The following PSD3 variants were observed in gnomAD, a reference collection of about 807,000 sequenced individuals.
PSD3 encodes PH and SEC7 domain-containing protein 3.
In PSD3, 49 loss-of-function variants were observed where a neutral mutation model predicts 105.5. The ratio of observed to expected loss-of-function variants is 0.46; its 90% CI spans 0.37 to 0.59. The LOEUF (loss-of-function observed/expected upper bound fraction) is 0.59. Ranked by LOEUF, PSD3 falls within the 20% of genes least tolerant of loss-of-function variation. The pLI is 0.00. For missense variants in PSD3, 1,561 were observed against 1,263.8 expected, an observed-to-expected ratio of 1.24 and a Z score of -3.57; for synonymous variants, 557 against 457.8, an observed-to-expected ratio of 1.22 and a Z score of -2.77.
chr8:18,644,018 A>C (rs1240159441), intron 10 of PSD3, among the ~76,000 whole-genome samples: 1 of 152,198 alleles, frequency 6.6e-6, no homozygotes, highest in Non-Finnish European at 1.5e-5. Flanking sequence ...GCTCTGGTGG[A>C]GAGCACCCTG....
intron 14 of PSD3, among the ~76,000 whole-genome samples, chr8:18,561,131 C>G (rs903332552): frequency 1.1e-4 from 16 of 152,162 alleles, no homozygotes; most frequent in Admixed American, 2.0e-4. Context: ...AAAGATGTGG[C>G]ATTCTCATGG....
At chr8:19,082,956 C>G in intron 1 of PSD3, among the ~76,000 whole-genome samples, 1 of 152,192 alleles carries the variant, frequency 6.6e-6, no homozygotes, top group Middle Eastern at 3.2e-3. Context: ...TACGCAGGCC[C>G]TTGTTAAAAA....
chr8:19,073,525 T>C lies in PSD3; in HGVS notation c.324+10681A>G, dbSNP rs1394030805. Among the ~76,000 whole-genome samples the C allele has an allele frequency of 2.6e-5, 3 of 116,422 alleles. No homozygotes were observed. In the Admixed American group the frequency reaches 3.7e-4, roughly 14 times the overall value. 76.4% of individuals were successfully genotyped at this position (116,422 alleles called of 152,430 possible). Reference sequence around the variant, plus strand: ...GAGATCACGACACTGCACTCCAGCCTGGGCGACAGAGTGAAACTGTCTCTC... The same window carrying C: ...GAGATCACGACACTGCACTCCAGCCCGGGCGACAGAGTGAAACTGTCTCTC... On this transcript the variant is annotated intron_variant, in intron 1 of 1. Transcript: ENST00000521475.
At chr8:18,542,104 G>C (rs7017406) in intron 15 of PSD3, among the ~76,000 whole-genome samples, 90,357 of 152,022 alleles carry the variant, frequency 0.59, 26,959 homozygotes, top group Admixed American at 0.65. Flanking sequence ...ATTGCCCACT[G>C]TGAGCTTCAA....
At chr8:18,982,432 G>A (rs1181545873) in intron 1 of PSD3, among the ~76,000 whole-genome samples, 1 of 152,126 alleles carries the variant, frequency 6.6e-6, no homozygotes, top group Non-Finnish European at 1.5e-5. Context: ...GTTCTTAATG[G>A]CATCTAGAAT....
At chr8:18,970,649 A>T (rs1367678453) in intron 1 of PSD3, among the ~76,000 whole-genome samples, 1 of 152,052 alleles carries the variant, frequency 6.6e-6, no homozygotes, top group African/African-American at 2.4e-5. Context: ...TGTCCTCTGA[A>T]AATCAATCAG....
chr8:18,687,718 T>G (rs773141617), intron 9 of PSD3, among the ~76,000 whole-genome samples: 7 of 152,126 alleles, frequency 4.6e-5, no homozygotes, highest in Non-Finnish European at 8.8e-5. Context: ...TGTGTGCGCT[T>G]GCCCATCCCT....
rs145845983 is a variant in PSD3 at position 18,785,230 on chromosome 8, T to G, written c.2082+14065A>C. 7.7e-3 allele frequency among the ~76,000 whole-genome samples: 1,178 copies of G among 152,354 alleles called. 40 individuals are homozygous for G. Among genetic ancestry groups the G allele is most frequent in the Admixed American group, 0.035 (540 of 15,308 alleles). ...GATTGGAAGTGTTTTATCACCTTGA[T>G]GAAATGACCCTTATTATAAAATGTT... On this transcript the variant is annotated intron_variant, in intron 8 of 15. Coordinates refer to ENST00000327040, the MANE Select transcript of PSD3 (RefSeq NM_015310.4).
At chr8:18,789,487 T>C (rs1167592668) in intron 8 of PSD3, among the ~76,000 whole-genome samples, 1 of 152,192 alleles carries the variant, frequency 6.6e-6, no homozygotes, top group Non-Finnish European at 1.5e-5. Context: ...AATTTAAAAA[T>C]CTTATCAGTT....
At chr8:18,849,593 AG>A (rs1195780123) in intron 4 of PSD3, 1 of 152,230 alleles carries the variant, frequency 6.6e-6, no homozygotes, top group Non-Finnish European at 1.5e-5. Flanking sequence ...CTATGGCAAC[AG>A]CATTCATAGG....
At chr8:18,953,568 TTAAAA>T (rs1332489029) in intron 1 of PSD3, among the ~76,000 whole-genome samples, 9 of 151,804 alleles carry the variant, frequency 5.9e-5, no homozygotes, top group African/African-American at 2.2e-4. Flanking sequence ...GGCCAACATG[TTAAAA>T]CCCCATCTCT....
intron 11 of PSD3, among the ~76,000 whole-genome samples, chr8:18,619,249 T>C (rs1383018963): frequency 6.6e-6 from 1 of 151,704 alleles, no homozygotes; most frequent in African/African-American, 2.4e-5. Flanking sequence ...TCCACTTCCT[T>C]TTCAAGTTCA....
At chr8:18,564,297 T>C (rs1801592361) in intron 14 of PSD3, among the ~76,000 whole-genome samples, 1 of 152,090 alleles carries the variant, frequency 6.6e-6, no homozygotes, top group South Asian at 2.1e-4. Context: ...GTGATCTAGG[T>C]AGAATATGAC....
At chr8:18,634,049 C>A (rs1278260695) in intron 10 of PSD3, among the ~76,000 whole-genome samples, 1 of 151,872 alleles carries the variant, frequency 6.6e-6, no homozygotes, top group Admixed American at 6.6e-5. Flanking sequence ...GTTTGTTGGC[C>A]ATTTGTATAT....
chr8:18,637,167 G>C lies in PSD3; in HGVS notation c.2217-4361C>G, dbSNP rs1429978398. 4.6e-5 allele frequency among the ~76,000 whole-genome samples: 7 copies of C among 152,186 alleles called. No individual in the cohort carries two copies. The East Asian group carries it at 1.3e-3, about 29-fold the overall frequency. ...ATGTGAGGAACAAATTTATGTACTA[G>C]AGTACAGTGTTTGTGTACATTTCTT... On this transcript the variant is annotated intron_variant, in intron 10 of 15. Coordinates refer to ENST00000327040, the MANE Select transcript of PSD3 (RefSeq NM_015310.4).
chr8:18,609,307 G>A (rs576899524), intron 11 of PSD3, among the ~76,000 whole-genome samples: 20 of 152,294 alleles, frequency 1.3e-4, no homozygotes, highest in Non-Finnish European at 1.5e-5. Context: ...CAAGAAACAG[G>A]TATGTGGGGA....
intron 4 of PSD3, among the ~76,000 whole-genome samples, chr8:18,829,564 G>A (rs1813513088): frequency 6.6e-6 from 1 of 152,072 alleles, no homozygotes; most frequent in South Asian, 2.1e-4. Flanking sequence ...TTTTTCCCTT[G>A]TACACTATGT....
In PSD3 at chr8:18,527,810, T is replaced by C. The variant is rs1347026321; in HGVS notation, c.*7933A>G. The C allele has an allele frequency of 6.6e-6, 1 of 152,432 alleles. No homozygotes were observed. Among genetic ancestry groups the C allele is most frequent in the South Asian group, 2.1e-4 (1 of 4,834 alleles). The allele number at this position is 152,432 out of a possible 1,614,324, so 9.4% of individuals were successfully genotyped here. On this transcript the variant is annotated 3_prime_UTR_variant, in exon 16 of 16. Coordinates refer to ENST00000327040, the MANE Select transcript of PSD3 (RefSeq NM_015310.4). ...AGGAACAGGTTTCCAGTACGTGTTA[T>C]AGTACCGCCAGCTTACCCAAAACTG...
intron 4 of PSD3, among the ~76,000 whole-genome samples, chr8:18,813,398 G>A (rs2244320): frequency 0.9 from 137,193 of 152,210 alleles, 62,148 homozygotes; most frequent in African/African-American, 0.95. Flanking sequence ...ACCATCCCCT[G>A]TCTGCAAGAA....
Sources: gnomAD v4.1 joint callset for allele counts (sites outside exome capture counted in the v4.1 genomes callset) on GRCh38, gnomAD v4.1.1 for gene constraint, MANE v1.5 for transcripts, NCBI Gene and HGNC (gene_info 2026-07-23, HGNC 2026-07-21) for gene names.